The following CTNNA3 variants were observed in gnomAD, a reference collection of about 807,000 sequenced individuals.
CTNNA3 encodes catenin alpha-3.
In CTNNA3, 76 loss-of-function variants were observed where a neutral mutation model predicts 95.7. The observed-to-expected ratio is 0.79, with a 90% CI of 0.66 to 0.96. The LOEUF (loss-of-function observed/expected upper bound fraction) is 0.96, where lower values mean the gene tolerates loss of function less well. CTNNA3 is among the 40% of genes least tolerant of loss of function. The probability of loss-of-function intolerance (pLI) is 0.00; values close to 1 mark genes in which losing one functional copy is unlikely to be tolerated. For missense variants in CTNNA3, 1,191 were observed against 1,089.8 expected (o/e 1.09, Z -1.31); for synonymous variants, 431 against 374.4 (o/e 1.15, Z -1.74).
At chr10:66,909,018 C>T (rs190465574) in intron 7 of CTNNA3, among the ~76,000 whole-genome samples, 249 of 152,282 alleles carry the variant, frequency 1.6e-3, no homozygotes, top group Admixed American at 2.5e-3. Context: ...CTTCTTGACA[C>T]GGTATTGTTG....
At chr10:67,228,527 C>T (rs1017423273) in intron 5 of CTNNA3, among the ~76,000 whole-genome samples, 8 of 152,000 alleles carry the variant, frequency 5.3e-5, no homozygotes, top group Non-Finnish European at 8.8e-5. Flanking sequence ...GCAGGAGAAT[C>T]GCTTGAAACC....
chr10:66,073,721 C>T (rs1424806514), intron 14 of CTNNA3, among the ~76,000 whole-genome samples: 1 of 151,988 alleles, frequency 6.6e-6, no homozygotes, highest in African/African-American at 2.4e-5. Context: ...TTTAAATCTT[C>T]TTGCTTTGCT....
intron 5 of CTNNA3, among the ~76,000 whole-genome samples, chr10:67,496,637 C>T (rs1160447885): frequency 6.6e-6 from 1 of 152,052 alleles, no homozygotes; most frequent in Admixed American, 6.5e-5. Context: ...ATTTTGAGAG[C>T]ATGGTTATCT....
intron 13 of CTNNA3, among the ~76,000 whole-genome samples, chr10:66,126,028 G>A (rs926198617): frequency 6.6e-6 from 1 of 152,116 alleles, no homozygotes; most frequent in African/African-American, 2.4e-5. Context: ...TAGGATCCTA[G>A]GAAAGAATGC....
At chr10:65,926,064 T>C (rs967166230) in intron 17 of CTNNA3, among the ~76,000 whole-genome samples, 9 of 149,904 alleles carry the variant, frequency 6.0e-5, no homozygotes, top group African/African-American at 2.2e-4. Flanking sequence ...AGATACTAAA[T>C]ATATAATAGA....
intron 7 of CTNNA3, among the ~76,000 whole-genome samples, chr10:67,014,380 C>T (rs1440857875): frequency 6.6e-6 from 1 of 152,122 alleles, no homozygotes; most frequent in Non-Finnish European, 1.5e-5. Context: ...TGTATACTTC[C>T]TAATTGTATA....
At chr10:67,498,623 G>A (rs1178713116) in intron 5 of CTNNA3, among the ~76,000 whole-genome samples, 1 of 152,124 alleles carries the variant, frequency 6.6e-6, no homozygotes, top group Non-Finnish European at 1.5e-5. Context: ...GCAGTGGTTT[G>A]TAGCTCTCCT....
intron 7 of CTNNA3, among the ~76,000 whole-genome samples, chr10:67,049,013 A>C (rs887966188): frequency 7.8e-6 from 1 of 128,318 alleles, no homozygotes; most frequent in Non-Finnish European, 1.6e-5. Context: ...TATAGCAAAA[A>C]TTTATGATGA....
chr10:67,114,772 G>GAA (rs1321291561), intron 7 of CTNNA3, among the ~76,000 whole-genome samples: 1 of 144,336 alleles, frequency 6.9e-6, no homozygotes, highest in Non-Finnish European at 1.5e-5. Flanking sequence ...GTCCTGGAGA[G>GAA]GATACAACCT....
intron 5 of CTNNA3, among the ~76,000 whole-genome samples, chr10:67,452,047 G>A (rs1208968093): frequency 3.6e-5 from 5 of 139,488 alleles, no homozygotes; most frequent in African/African-American, 1.4e-4. Flanking sequence ...TGGAGGGAGG[G>A]AGGGAGGGAG....
chr10:65,955,527 T>C (rs569892877), intron 17 of CTNNA3, among the ~76,000 whole-genome samples: 2 of 152,328 alleles, frequency 1.3e-5, no homozygotes, highest in East Asian at 3.9e-4. Context: ...TGAGGGTTTG[T>C]CATAAATAGC....
intron 7 of CTNNA3, among the ~76,000 whole-genome samples, chr10:67,005,453 G>A (rs969741065): frequency 3.3e-5 from 5 of 151,844 alleles, no homozygotes; most frequent in African/African-American, 1.2e-4. Context: ...TTCTTCACCT[G>A]TTCATTGTGC....
intron 5 of CTNNA3, among the ~76,000 whole-genome samples, chr10:67,402,019 T>C (rs556487934): frequency 1.3e-5 from 2 of 152,264 alleles, no homozygotes; most frequent in African/African-American, 4.8e-5. Context: ...ACTCTGGCAA[T>C]TCAAAAAGCC....
chr10:66,379,503 T>C (rs1329899194), intron 11 of CTNNA3, 151 bp from the exon 12 acceptor site: 2 of 679,356 alleles, frequency 2.9e-6, no homozygotes, highest in African/African-American at 3.6e-5. Context: ...ATTGGAGACA[T>C]ATTTTGCTTA....
chr10:67,644,316 G>A (rs1184258436), intron 2 of CTNNA3, among the ~76,000 whole-genome samples: 2 of 151,930 alleles, frequency 1.3e-5, no homozygotes, highest in African/African-American at 4.8e-5. Flanking sequence ...ATGTTTGTTG[G>A]CCACATAAAT....
At chr10:66,819,518 A>G (rs1174411004) in intron 7 of CTNNA3, among the ~76,000 whole-genome samples, 2 of 152,196 alleles carry the variant, frequency 1.3e-5, no homozygotes, top group Non-Finnish European at 2.9e-5. Flanking sequence ...GCACTTTTCA[A>G]AATGTGCTTC....
chr10:66,141,096 TA>T (rs888843077), intron 13 of CTNNA3, among the ~76,000 whole-genome samples: 2 of 151,722 alleles, frequency 1.3e-5, no homozygotes, highest in African/African-American at 2.4e-5. Flanking sequence ...CCAACACTAC[TA>T]AAAAAACAAA....
At chr10:67,045,843 T>C (rs1854708229) in intron 7 of CTNNA3, among the ~76,000 whole-genome samples, 1 of 152,122 alleles carries the variant, frequency 6.6e-6, no homozygotes, top group Admixed American at 6.5e-5. Flanking sequence ...CCTTCCTGAC[T>C]CCTAACACAG....
Position 67,378,469 on chromosome 10 carries a change from A to G in CTNNA3, c.579+143373T>C, listed in dbSNP as rs138362003. Reference sequence around the variant, plus strand: ...ATTAGAGTTCTACCATTCTTTTTTAATGGATGTCCTTATTCTGTTTCAGGG... The same window carrying G: ...ATTAGAGTTCTACCATTCTTTTTTAGTGGATGTCCTTATTCTGTTTCAGGG... On this transcript the variant is annotated intron_variant, in intron 5 of 17. Transcript: ENST00000433211. Among the ~76,000 whole-genome samples, 760 of 151,378 alleles carry G rather than the reference A, an allele frequency of 5.0e-3. 6 individuals carry two copies. The highest frequency in any genetic ancestry group is 0.017 in the African/African-American group (713 of 41,542).
Sources: gnomAD v4.1 joint callset for allele counts (sites outside exome capture counted in the v4.1 genomes callset) on GRCh38, gnomAD v4.1.1 for gene constraint, MANE v1.5 for transcripts, NCBI Gene and HGNC (gene_info 2026-07-23, HGNC 2026-07-21) for gene names.